Variants in SLC22A16 observed in about 807,000 individuals in gnomAD.
SLC22A16 encodes the protein solute carrier family 22 member 16, also known as WUGSC:RG331P03.1.
In SLC22A16, 53 loss-of-function variants were observed where a neutral mutation model predicts 52.9. The ratio of observed to expected loss-of-function variants is 1.00; its 90% confidence interval spans 0.80 to 1.26. The LOEUF (loss-of-function observed/expected upper bound fraction) is 1.26. Ranked by LOEUF, SLC22A16 falls within the 50% of genes most tolerant of loss-of-function variation. The pLI is 0.00. For synonymous variants in SLC22A16, 291 were observed against 268.8 expected (o/e 1.08, Z -0.81); for missense variants, 726 against 704.0 (o/e 1.03, Z -0.35).
At chr6:110,431,306 C>A in intron 6 of SLC22A16, 36 bp from the exon 7 acceptor site, 1 of 1,574,544 alleles carries the variant, frequency 6.4e-7, no homozygotes, top group Non-Finnish European at 8.7e-7. Flanking sequence ...ACAAGTAAGG[C>A]ACAAGTGACC....
intron 1 of SLC22A16, chr6:110,475,792 G>A (rs1776444339): frequency 2.5e-6 from 1 of 397,646 alleles, no homozygotes; most frequent in Non-Finnish European, 5.0e-6. Context: ...ATGAGTGAAC[G>A]AACGAATGAA....
chr6:110,444,190 T>C (rs1421482242), intron 3 of SLC22A16, among the ~76,000 whole-genome samples: 1 of 152,210 alleles, frequency 6.6e-6, no homozygotes, highest in East Asian at 1.9e-4. Flanking sequence ...TGACTATCTT[T>C]AATAAAAATT....
At position 110,476,508 on chromosome 6, in the gene SLC22A16, C is replaced by CA; in HGVS notation, c.53+13_53+14insT. ...CCGCCTCCCGCGTGGCGCCGCGGGG[C>CA]CCCTCCCCCATACCTGCCGAAGTGC... is the stretch of plus-strand genomic sequence containing the variant. On this transcript the variant is annotated intron_variant, in intron 1 of 7. Transcript: ENST00000368919. 1 of 1,361,088 alleles carries CA rather than the reference C, an allele frequency of 7.3e-7. No homozygotes were observed. 84.3% of individuals were successfully genotyped at this position (1,361,088 alleles called of 1,614,324 possible).
chr6:110,427,290 AAG>A (rs375444833), intron 7 of SLC22A16, among the ~76,000 whole-genome samples: 2 of 150,216 alleles, frequency 1.3e-5, no homozygotes, highest in African/African-American at 5.0e-5. Context: ...AAGAAAGAAA[AAG>A]AAATGTTCTT....
chr6:110,442,907 T>C, intron 3 of SLC22A16, 132 bp from the exon 4 acceptor site: 1 of 761,636 alleles, frequency 1.3e-6, no homozygotes. Context: ...CCCTATCAGA[T>C]GTATAAAATG....
intron 6 of SLC22A16, among the ~76,000 whole-genome samples, chr6:110,432,480 T>A: frequency 6.6e-6 from 1 of 152,242 alleles, no homozygotes; most frequent in East Asian, 1.9e-4. Flanking sequence ...GAGTCTAATA[T>A]GTGCCAGGCA....
chr6:110,460,379 A>T (rs76524255), intron 1 of SLC22A16, among the ~76,000 whole-genome samples: 1 of 152,222 alleles, frequency 6.6e-6, no homozygotes, highest in Admixed American at 6.5e-5. Flanking sequence ...AAGGTCTGCC[A>T]GGGAGCCCAC....
chr6:110,460,692 C>A (rs981396438), intron 1 of SLC22A16, among the ~76,000 whole-genome samples: 1 of 152,202 alleles, frequency 6.6e-6, no homozygotes, highest in Admixed American at 6.5e-5. Flanking sequence ...TGGTTGTGCA[C>A]CTGTTCTGAG....
chr6:110,475,581 C>T (rs1776434016), intron 1 of SLC22A16, among the ~76,000 whole-genome samples: 1 of 152,164 alleles, frequency 6.6e-6, no homozygotes, highest in Non-Finnish European at 1.5e-5. Context: ...AGAACAGCAC[C>T]ACATCATCTC....
At chr6:110,439,659 T>C (rs1311898809) in intron 4 of SLC22A16, among the ~76,000 whole-genome samples, 1 of 152,188 alleles carries the variant, frequency 6.6e-6, no homozygotes, top group Non-Finnish European at 1.5e-5. Context: ...TATAAAAATT[T>C]AGAAGCAAGA....
rs187708041 is a variant in SLC22A16, at chr6:110,452,151, A to G, written c.533+4387T>C. Among the ~76,000 whole-genome samples the G allele has an allele frequency of 1.9e-3, 296 of 152,228 alleles. 2 individuals carry two copies. The highest frequency in any genetic ancestry group is 1.2e-3 in the Non-Finnish European group (83 of 68,000). On this transcript the variant is annotated intron_variant, in intron 2 of 7. Transcript: ENST00000368919. ...TATATCTATTTACTTTAATGATTTGATTCTTCAAGTTTATAATTGTCTCCA... is the reference window on the plus strand; with the variant it reads ...TATATCTATTTACTTTAATGATTTGGTTCTTCAAGTTTATAATTGTCTCCA...
At chr6:110,447,024 A>C in intron 2 of SLC22A16, 34 bp from the exon 3 acceptor site, 14 of 1,565,436 alleles carry the variant, frequency 8.9e-6, no homozygotes, top group Non-Finnish European at 1.2e-5. Flanking sequence ...GGAAGAGGAA[A>C]GGTAGAGTTG....
intron 2 of SLC22A16, 64 bp downstream of exon 2, chr6:110,456,474 C>T: frequency 6.4e-7 from 1 of 1,552,738 alleles, no homozygotes; most frequent in Non-Finnish European, 8.7e-7. Flanking sequence ...CCTTGTGTCC[C>T]AAGAAAACCA....
At chr6:110,453,696 C>T (rs972351580) in intron 2 of SLC22A16, 1 of 456,024 alleles carries the variant, frequency 2.2e-6, no homozygotes, top group South Asian at 1.5e-5. Flanking sequence ...GAAGCCTACT[C>T]TTTGTGGCAG....
Position 110,442,365 on chromosome 6 carries a change from G to T in SLC22A16, c.1062C>A (p.Ser354Arg). 1 of 1,614,188 alleles carries T rather than the reference G, an allele frequency of 6.2e-7. No homozygotes were observed. Among genetic ancestry groups the T allele is most frequent in the African/African-American group, 1.3e-5 (1 of 75,038 alleles). ...AAACGGTAAGTGTCCTTTTCGTAATGCTCCAGTTATAAAACAGATATGATA... is the reference window on the plus strand; with the variant it reads ...AAACGGTAAGTGTCCTTTTCGTAATTCTCCAGTTATAAAACAGATATGATA... ...HNLSYLFYNW[S>R]ITKRTLTVWL... Residue 354 changes from serine to arginine, a missense_variant, in exon 4 of 8, where the codon AGC becomes AGA. By Grantham distance (110) the Ser-to-Arg change is moderately radical. Transcript: ENST00000368919.
chr6:110,474,149 G>A (rs1776376249), intron 1 of SLC22A16, among the ~76,000 whole-genome samples: 1 of 152,160 alleles, frequency 6.6e-6, no homozygotes, highest in South Asian at 2.1e-4. Context: ...ATGATCTGAG[G>A]TGAAACAGTT....
chr6:110,451,265 A>G (rs1408572563), intron 2 of SLC22A16, among the ~76,000 whole-genome samples: 1 of 152,158 alleles, frequency 6.6e-6, no homozygotes, highest in Admixed American at 6.5e-5. Flanking sequence ...CAATGCTGTG[A>G]GGGCACTTTT....
chr6:110,460,199 A>G (rs1363351023), intron 1 of SLC22A16, among the ~76,000 whole-genome samples: 1 of 152,168 alleles, frequency 6.6e-6, no homozygotes, highest in Non-Finnish European at 1.5e-5. Context: ...TCACTGGAAG[A>G]TGCTTCTGAC....
intron 7 of SLC22A16, among the ~76,000 whole-genome samples, chr6:110,426,354 A>T (rs1275415472): frequency 6.6e-6 from 1 of 152,186 alleles, no homozygotes; most frequent in Non-Finnish European, 1.5e-5. Flanking sequence ...TTTTCTTCTT[A>T]GCTTGGTAGT....
Sources: gnomAD v4.1 joint callset for allele counts (sites outside exome capture counted in the v4.1 genomes callset) on GRCh38, gnomAD v4.1.1 for gene constraint, MANE v1.5 for transcripts, NCBI Gene and HGNC (gene_info 2026-07-23, HGNC 2026-07-21) for gene names.